The following SLC9C1 variants were observed in gnomAD, a reference collection of about 807,000 sequenced individuals.
SLC9C1 encodes sodium/hydrogen exchanger 10.
A neutral mutation model predicts 140.9 loss-of-function variants in SLC9C1; 97 were observed. The ratio of observed to expected loss-of-function variants is 0.69; its 90% CI spans 0.58 to 0.82. SLC9C1 has a LOEUF of 0.82. SLC9C1 is among the 40% of genes least tolerant of loss of function. The pLI is 0.00. For synonymous variants in SLC9C1, 440 were observed against 442.6 expected, an observed-to-expected ratio of 0.99 and a Z score of 0.07; for missense variants, 1,340 against 1,389.3, an observed-to-expected ratio of 0.96 and a Z score of 0.56.
At chr3:112,236,035 G>A (rs1415374485) in intron 12 of SLC9C1, among the ~76,000 whole-genome samples, 3 of 152,158 alleles carry the variant, frequency 2.0e-5, no homozygotes, top group Non-Finnish European at 4.4e-5. Context: ...AATAGTTTCA[G>A]AAGGAATGGT....
intron 6 of SLC9C1, among the ~76,000 whole-genome samples, chr3:112,272,655 G>A (rs1005130783): frequency 1.3e-5 from 2 of 152,146 alleles, no homozygotes; most frequent in African/African-American, 4.8e-5. Context: ...TTCTCCTACA[G>A]CAGAGTTTTT....
At chr3:112,146,216 TA>T (rs1559998864) in intron 28 of SLC9C1, among the ~76,000 whole-genome samples, 1 of 152,116 alleles carries the variant, frequency 6.6e-6, no homozygotes, top group Non-Finnish European at 1.5e-5. Flanking sequence ...TTTTTTTTTT[TA>T]ATCTAGCTAG....
At chr3:112,270,299 GT>G (rs2080036129) in intron 6 of SLC9C1, among the ~76,000 whole-genome samples, 1 of 152,176 alleles carries the variant, frequency 6.6e-6, no homozygotes. Context: ...TCTACTTTTA[GT>G]TTTTTGAGGA....
At chr3:112,189,956 G>A (rs1320245382) in intron 20 of SLC9C1, among the ~76,000 whole-genome samples, 2 of 152,156 alleles carry the variant, frequency 1.3e-5, no homozygotes, top group Non-Finnish European at 2.9e-5. Flanking sequence ...CACATCCCTT[G>A]TAAGTTGGAT....
At chr3:112,152,157 G>A (rs1210939579) in intron 27 of SLC9C1, among the ~76,000 whole-genome samples, 194 bp from the exon 28 acceptor site, 1 of 152,174 alleles carries the variant, frequency 6.6e-6, no homozygotes, top group Non-Finnish European at 1.5e-5. Context: ...GACCCGCACC[G>A]GCACTGGTCT....
At chr3:112,147,752 G>T (rs759835977) in intron 28 of SLC9C1, among the ~76,000 whole-genome samples, 1 of 152,126 alleles carries the variant, frequency 6.6e-6, no homozygotes, top group African/African-American at 2.4e-5. Flanking sequence ...GTGACTATAT[G>T]TGTTGGGGAC....
At chr3:112,190,564 CCAT>C (rs2077636646) in intron 20 of SLC9C1, among the ~76,000 whole-genome samples, 1 of 151,896 alleles carries the variant, frequency 6.6e-6, no homozygotes, top group Admixed American at 6.6e-5. Flanking sequence ...CAGTTTTTGC[CCAT>C]CATTTCTGAT....
chr3:112,257,183 G>T (rs1355681460), intron 10 of SLC9C1, among the ~76,000 whole-genome samples: 1 of 152,022 alleles, frequency 6.6e-6, no homozygotes, highest in Admixed American at 6.6e-5. Context: ...GACATTCACA[G>T]AACTAGAAAA....
intron 18 of SLC9C1, 130 bp from the exon 19 acceptor site, chr3:112,200,892 G>A: frequency 1.3e-6 from 1 of 777,266 alleles, no homozygotes; most frequent in South Asian, 1.9e-5. Flanking sequence ...AGGTTTTCAG[G>A]GGTTCGAATT....
intron 11 of SLC9C1, among the ~76,000 whole-genome samples, chr3:112,243,229 C>T (rs373396923): frequency 2.0e-5 from 3 of 152,162 alleles, no homozygotes; most frequent in Non-Finnish European, 4.4e-5. Context: ...TTCATCACAG[C>T]ATTATTCACA....
intron 21 of SLC9C1, among the ~76,000 whole-genome samples, chr3:112,181,505 C>A (rs1248803874): frequency 3.3e-5 from 5 of 152,140 alleles, no homozygotes; most frequent in African/African-American, 1.2e-4. Context: ...AAGCACTTAA[C>A]TGAGCATCCA....
At chr3:112,273,028 A>G (rs564416289) in intron 6 of SLC9C1, among the ~76,000 whole-genome samples, 30 of 152,262 alleles carry the variant, frequency 2.0e-4, no homozygotes, top group Middle Eastern at 3.4e-3. Context: ...CGTGGTCAGT[A>G]TATAATATCT....
chr3:112,194,086 A>G (rs2077720710), intron 20 of SLC9C1, among the ~76,000 whole-genome samples: 1 of 152,140 alleles, frequency 6.6e-6, no homozygotes, highest in African/African-American at 2.4e-5. Flanking sequence ...CTTGGCTCAC[A>G]GTAGATGGGT....
chr3:112,252,691 T>C (rs2079495640), intron 10 of SLC9C1, among the ~76,000 whole-genome samples: 1 of 152,052 alleles, frequency 6.6e-6, no homozygotes, highest in Admixed American at 6.6e-5. Context: ...CTGCCATCTT[T>C]GCTGTTTAGT....
chr3:112,156,148 A>G (rs1426976794), intron 26 of SLC9C1, among the ~76,000 whole-genome samples: 3 of 152,046 alleles, frequency 2.0e-5, no homozygotes, highest in South Asian at 2.1e-4. Context: ...ATTCTTCATC[A>G]TCTCCTTTCC....
chr3:112,278,968 T>C, intron 3 of SLC9C1, 111 bp from the exon 4 acceptor site: 1 of 1,095,204 alleles, frequency 9.1e-7, no homozygotes, highest in Non-Finnish European at 1.3e-6. Context: ...TTAAAAGATA[T>C]ATCACACAAA....
chr3:112,161,824 G>C (rs545629416), intron 26 of SLC9C1, among the ~76,000 whole-genome samples: 3,076 of 150,552 alleles, frequency 0.02, 48 homozygotes, highest in Middle Eastern at 0.034. Flanking sequence ...TTGGTAGCTC[G>C]ATGGGGATGG....
chr3:112,276,834 A>G (rs974720063), intron 5 of SLC9C1, among the ~76,000 whole-genome samples: 1 of 152,042 alleles, frequency 6.6e-6, no homozygotes, highest in Admixed American at 6.6e-5. Flanking sequence ...ATCTTCTTCT[A>G]AAGTGTTATC....
intron 26 of SLC9C1, among the ~76,000 whole-genome samples, chr3:112,161,435 A>T (rs933711189): frequency 6.6e-6 from 1 of 152,156 alleles, no homozygotes; most frequent in Non-Finnish European, 1.5e-5. Flanking sequence ...TCCATTGTGA[A>T]TTGATTTTTG....
Sources: gnomAD v4.1 joint callset for allele counts (sites outside exome capture counted in the v4.1 genomes callset) on GRCh38, gnomAD v4.1.1 for gene constraint, MANE v1.5 for transcripts, NCBI Gene and HGNC (gene_info 2026-07-23, HGNC 2026-07-21) for gene names.